The following C6 variants were observed in gnomAD, a reference collection of about 807,000 sequenced individuals.
C6 encodes complement C6.
C6 carries 101 observed loss-of-function variants against 112.9 expected under a neutral mutation model. The ratio of observed to expected loss-of-function variants is 0.89; its 90% CI spans 0.76 to 1.06. C6 has a LOEUF of 1.06. Among genes scored for constraint, C6 ranks in the 50% least tolerant of loss-of-function variants. The pLI, the probability that C6 is intolerant of heterozygous loss-of-function variation, is 0.00. For missense variants in C6, 1,202 were observed against 1,104.6 expected, an observed-to-expected ratio of 1.09 and a Z score of -1.25; for synonymous variants, 431 against 384.1, an observed-to-expected ratio of 1.12 and a Z score of -1.43.
chr5:41,159,539 G>C, intron 11 of C6: 1 of 878,512 alleles, frequency 1.1e-6, no homozygotes, highest in Non-Finnish European at 1.4e-6. Context: ...GGCTTTGGAG[G>C]CCTTTTAAAA....
intron 9 of C6, among the ~76,000 whole-genome samples, chr5:41,163,099 G>A (rs535840281): frequency 1.3e-5 from 2 of 151,820 alleles, no homozygotes; most frequent in Admixed American, 1.3e-4. Flanking sequence ...AAGTGAGCAA[G>A]TGCCTTAAAA....
intron 3 of C6, among the ~76,000 whole-genome samples, chr5:41,200,858 TGAAACCC>T (rs1241354718): frequency 3.3e-5 from 5 of 149,758 alleles, no homozygotes; most frequent in African/African-American, 1.2e-4. Flanking sequence ...AATCTTGGAC[TGAAACCC>T]TGTTTTTGTT....
At chr5:41,187,174 T>C (rs998660783) in intron 5 of C6, among the ~76,000 whole-genome samples, 9 of 152,168 alleles carry the variant, frequency 5.9e-5, no homozygotes, top group Non-Finnish European at 1.2e-4. Flanking sequence ...AAATTCCATG[T>C]AGCAGAAGGA....
intron 1 of C6, among the ~76,000 whole-genome samples, chr5:41,221,662 G>A (rs757724599): frequency 6.6e-6 from 1 of 151,934 alleles, no homozygotes; most frequent in Non-Finnish European, 1.5e-5. Context: ...GTGTGACTAG[G>A]GCTTTGAGAA....
intron 1 of C6, among the ~76,000 whole-genome samples, chr5:41,206,659 G>T (rs541610985): frequency 7.4e-4 from 113 of 152,314 alleles, no homozygotes; most frequent in African/African-American, 2.6e-3. Flanking sequence ...AATGAAGTGA[G>T]AAGAGAAGTT....
At chr5:41,152,772 G>T (rs1431441233) in intron 15 of C6, 2 of 152,176 alleles carry the variant, frequency 1.3e-5, no homozygotes, top group Non-Finnish European at 2.9e-5. Context: ...TTTGTAATTA[G>T]GCCTGGGAGG....
chr5:41,153,903 G>A lies in C6; in HGVS notation c.2197C>T (p.Pro733Ser), dbSNP rs751233094. 5.2e-5 allele frequency: 84 copies of A among 1,613,536 alleles called. 2 individuals carry two copies. The highest frequency in any genetic ancestry group is 1.6e-4 in the Middle Eastern group (1 of 6,062). Residue 733 changes from proline to serine, a missense_variant, in exon 15 of 18, where the codon CCC (proline) becomes TCC (serine). Pro to Ser is a moderately conservative substitution (Grantham distance 74, BLOSUM62 -1). Coordinates refer to ENST00000337836, the MANE Select transcript of C6 (RefSeq NM_000065.5). Reference sequence around the variant, plus strand: ...GGCCCAGCAACAACAAAGCCTTTGGGGCAAGTTAGCTCAATGGATTCACCA... The same window carrying A: ...GGCCCAGCAACAACAAAGCCTTTGGAGCAAGTTAGCTCAATGGATTCACCA... The part of the protein sequence containing the change: ...RIGESIELTC[P>S]KGFVVAGPSR...
At chr5:41,204,974 T>A (rs1751321755) in intron 1 of C6, among the ~76,000 whole-genome samples, 1 of 152,078 alleles carries the variant, frequency 6.6e-6, no homozygotes, top group African/African-American at 2.4e-5. Context: ...TTCTACAAGC[T>A]CAAAGAAAAA....
intron 1 of C6, among the ~76,000 whole-genome samples, chr5:41,225,519 A>C (rs1347819989): frequency 6.6e-6 from 1 of 152,162 alleles, no homozygotes; most frequent in African/African-American, 2.4e-5. Flanking sequence ...ATAGTGCCGC[A>C]ATAAACATAC....
At chr5:41,150,133 G>A (rs1481998473) in intron 15 of C6, 108 bp from the exon 16 acceptor site, 1 of 765,384 alleles carries the variant, frequency 1.3e-6, no homozygotes, top group South Asian at 1.4e-5. Context: ...TTTATCTCTT[G>A]GAGTTAGATC....
At chr5:41,165,040 T>C (rs1189213967) in intron 9 of C6, among the ~76,000 whole-genome samples, 1 of 152,208 alleles carries the variant, frequency 6.6e-6, no homozygotes, top group African/African-American at 2.4e-5. Flanking sequence ...TTATTATTGC[T>C]ATAGATTAGC....
At chr5:41,179,658 A>G (rs1580125457) in intron 7 of C6, among the ~76,000 whole-genome samples, 1 of 148,322 alleles carries the variant, frequency 6.7e-6, no homozygotes, top group Admixed American at 6.8e-5. Context: ...AAACTAAGTT[A>G]TATATATATA....
chr5:41,225,112 C>T (rs552324358), intron 1 of C6, among the ~76,000 whole-genome samples: 10 of 152,228 alleles, frequency 6.6e-5, no homozygotes, highest in South Asian at 2.1e-4. Context: ...ATGTGCACAA[C>T]GTGCAGGTTT....
At chr5:41,245,798 C>G (rs1740987828) in intron 1 of C6, among the ~76,000 whole-genome samples, 5 of 151,974 alleles carry the variant, frequency 3.3e-5, no homozygotes, top group Admixed American at 3.3e-4. Flanking sequence ...GGTTAGTTGT[C>G]ATGTATTATC....
chr5:41,189,998 T>C (rs1354713242), intron 5 of C6, among the ~76,000 whole-genome samples: 1 of 152,212 alleles, frequency 6.6e-6, no homozygotes, highest in Non-Finnish European at 1.5e-5. Context: ...GTTTTCTTTA[T>C]CCATTCATCT....
At chr5:41,225,165 T>C (rs992042700) in intron 1 of C6, among the ~76,000 whole-genome samples, 1 of 152,186 alleles carries the variant, frequency 6.6e-6, no homozygotes, top group African/African-American at 2.4e-5. Context: ...GCCGCACCCA[T>C]TAACTCATCA....
intron 4 of C6, 121 bp downstream of exon 4, chr5:41,199,647 A>G (rs1750858032): frequency 2.0e-6 from 2 of 997,304 alleles, no homozygotes; most frequent in East Asian, 4.8e-5. Context: ...TTCCCATTCC[A>G]CTCTGCTTAA....
At chr5:41,243,161 C>CA (rs779212155) in intron 1 of C6, among the ~76,000 whole-genome samples, 1 of 151,982 alleles carries the variant, frequency 6.6e-6, no homozygotes, top group Admixed American at 6.5e-5. Flanking sequence ...GTTCTCATCA[C>CA]AAAAAAAGTT....
intron 1 of C6, among the ~76,000 whole-genome samples, chr5:41,238,671 A>G (rs1399111559): frequency 6.6e-6 from 1 of 152,226 alleles, no homozygotes; most frequent in Admixed American, 6.5e-5. Flanking sequence ...TTTATGGTGT[A>G]ATATCTGACA....
Sources: allele counts gnomAD v4.1 joint callset (sites outside exome capture counted in the v4.1 genomes callset), GRCh38; gene constraint gnomAD v4.1.1; transcripts MANE v1.5; gene names NCBI Gene and HGNC (gene_info 2026-07-23, HGNC 2026-07-21).